Variants in MSRA observed in about 807,000 individuals in gnomAD.
MSRA encodes methionine sulfoxide reductase A.
In MSRA, 54 loss-of-function variants were observed where a neutral mutation model predicts 31.3. That is an observed-to-expected ratio of 1.73 (90% CI 1.39 to 2.17). The LOEUF (loss-of-function observed/expected upper bound fraction) is 2.17, where lower values mean the gene tolerates loss of function less well. MSRA is among the 30% of genes most tolerant of loss of function. The probability of loss-of-function intolerance (pLI) is 0.00; values close to 1 mark genes in which losing one functional copy is unlikely to be tolerated. For missense variants in MSRA, 507 were observed against 300.9 expected (o/e 1.69, Z -5.07); for synonymous variants, 169 against 116.5 (o/e 1.45, Z -2.90).
intron 1 of MSRA, among the ~76,000 whole-genome samples, chr8:10,183,808 G>GTGGTGGTGC (rs1352236728): frequency 2.0e-5 from 2 of 100,168 alleles, no homozygotes; most frequent in African/African-American, 6.8e-5. Flanking sequence ...GGTGGTGGTG[G>GTGGTGGTGC]TGCTGCTGCT....
At chr8:10,310,816 A>C (rs540637516) in intron 4 of MSRA, among the ~76,000 whole-genome samples, 1 of 152,372 alleles carries the variant, frequency 6.6e-6, no homozygotes, top group African/African-American at 2.4e-5. Context: ...CAATTCTATC[A>C]GAAAGCAGAA....
intron 5 of MSRA, among the ~76,000 whole-genome samples, chr8:10,324,900 TCTGAG>T (rs1405682252): frequency 1.3e-5 from 2 of 152,228 alleles, no homozygotes; most frequent in Non-Finnish European, 2.9e-5. Flanking sequence ...ATTCTGCACT[TCTGAG>T]CTGCACATGT....
intron 1 of MSRA, among the ~76,000 whole-genome samples, chr8:10,104,712 C>G (rs1340162291): frequency 2.0e-5 from 3 of 152,074 alleles, no homozygotes; most frequent in African/African-American, 7.2e-5. Context: ...TAATGCTGGC[C>G]TGCTTTTCCT....
chr8:10,285,652 C>T (rs143151493), intron 3 of MSRA, among the ~76,000 whole-genome samples: 1,979 of 151,962 alleles, frequency 0.013, 21 homozygotes, highest in Admixed American at 0.029. Flanking sequence ...CCCCTTCCCC[C>T]CACTCCTTCC....
At chr8:10,270,967 T>C (rs895130461) in intron 3 of MSRA, among the ~76,000 whole-genome samples, 1 of 152,098 alleles carries the variant, frequency 6.6e-6, no homozygotes, top group Non-Finnish European at 1.5e-5. Context: ...ATTTTGTTCC[T>C]GGAAGAGGGC....
chr8:10,088,667 A>C (rs986034481), intron 1 of MSRA, among the ~76,000 whole-genome samples: 5 of 151,986 alleles, frequency 3.3e-5, no homozygotes, highest in Admixed American at 1.3e-4. Context: ...ACCTGGGAGG[A>C]TGAGGTTGCA....
intron 2 of MSRA, among the ~76,000 whole-genome samples, chr8:10,214,081 G>T (rs111729044): frequency 6.6e-6 from 1 of 152,124 alleles, no homozygotes; most frequent in Non-Finnish European, 1.5e-5. Flanking sequence ...CATGTTTTCC[G>T]GGTCAGATTC....
At chr8:10,194,119 A>G (rs1297633137) in intron 1 of MSRA, among the ~76,000 whole-genome samples, 1 of 152,190 alleles carries the variant, frequency 6.6e-6, no homozygotes, top group Non-Finnish European at 1.5e-5. Flanking sequence ...CAGAAAGGCA[A>G]AATACTTGCT....
chr8:10,358,738 G>A (rs1348668809), intron 5 of MSRA, among the ~76,000 whole-genome samples: 3 of 148,428 alleles, frequency 2.0e-5, no homozygotes, highest in South Asian at 2.1e-4. Context: ...GACTACAGGC[G>A]CCCGCCACTA....
chr8:10,108,823 C>A (rs1378735456), intron 1 of MSRA, among the ~76,000 whole-genome samples: 1 of 150,666 alleles, frequency 6.6e-6, no homozygotes, highest in Non-Finnish European at 1.5e-5. Context: ...TTTTTTAGTT[C>A]TCTGTCTCTC....
chr8:10,169,184 TG>T, intron 1 of MSRA, among the ~76,000 whole-genome samples: 1 of 152,296 alleles, frequency 6.6e-6, no homozygotes, highest in South Asian at 2.1e-4. Context: ...TGGCTGTGCT[TG>T]GTACTCCCTC....
At chr8:10,305,429 T>G (rs1414218339) in intron 4 of MSRA, among the ~76,000 whole-genome samples, 1 of 127,610 alleles carries the variant, frequency 7.8e-6, no homozygotes, top group African/African-American at 2.9e-5. Context: ...TTTTTTTTTT[T>G]TCCGGATGGA....
At chr8:10,288,057 G>T (rs926060347) in intron 3 of MSRA, among the ~76,000 whole-genome samples, 4 of 152,168 alleles carry the variant, frequency 2.6e-5, no homozygotes, top group Non-Finnish European at 5.9e-5. Context: ...CCCTCCTGTG[G>T]TTGTGATGTT....
At position 10,152,656 on chromosome 8, in the gene MSRA, C is replaced by G. The variant is rs866854384; in HGVS notation, c.143-55177C>G. On this transcript the variant is annotated intron_variant, in intron 1 of 5. Coordinates refer to ENST00000317173, the MANE Select transcript of MSRA (RefSeq NM_012331.5). ...AAGTACTTTTTTTCCCCCAAAAAAT[C>G]ATATGAAGAAAGAGGAAGCGCTGCC... is the stretch of plus-strand genomic sequence containing the variant. 3.9e-5 allele frequency among the ~76,000 whole-genome samples: 6 copies of G among 152,136 alleles called. No homozygotes were observed. The South Asian group carries it at 6.2e-4, about 16-fold the overall frequency.
At chr8:10,309,317 G>A (rs939725538) in intron 4 of MSRA, among the ~76,000 whole-genome samples, 3 of 152,248 alleles carry the variant, frequency 2.0e-5, no homozygotes, top group East Asian at 1.9e-4. Context: ...ACACGGGCGC[G>A]GAGCCTGCCG....
At chr8:10,344,086 C>A (rs901478444) in intron 5 of MSRA, among the ~76,000 whole-genome samples, 1 of 152,224 alleles carries the variant, frequency 6.6e-6, no homozygotes, top group Non-Finnish European at 1.5e-5. Context: ...AGCCACAGGA[C>A]TGGAGCTTCT....
intron 5 of MSRA, among the ~76,000 whole-genome samples, chr8:10,362,780 C>G (rs895872606): frequency 3.3e-5 from 5 of 152,090 alleles, no homozygotes; most frequent in Admixed American, 6.5e-5. Context: ...GGCCGTTAGT[C>G]CCTGCCTTTT....
At chr8:10,242,827 T>A (rs1797406213) in intron 2 of MSRA, among the ~76,000 whole-genome samples, 1 of 152,108 alleles carries the variant, frequency 6.6e-6, no homozygotes, top group Non-Finnish European at 1.5e-5. Context: ...AGTTTTATCC[T>A]CCTAACAACC....
intron 1 of MSRA, among the ~76,000 whole-genome samples, chr8:10,170,042 ATTTTTT>A (rs59946635): frequency 0.051 from 4,616 of 90,362 alleles, 120 homozygotes; most frequent in African/African-American, 0.11. Context: ...CCTGGCTAAT[ATTTTTT>A]TTTTTTTTTT....
Sources: gnomAD v4.1 joint callset for allele counts (sites outside exome capture counted in the v4.1 genomes callset) on GRCh38, gnomAD v4.1.1 for gene constraint, MANE v1.5 for transcripts, NCBI Gene and HGNC (gene_info 2026-07-23, HGNC 2026-07-21) for gene names.